ERC2: variants seen among roughly 807,000 people sequenced by gnomAD.
The protein encoded by ERC2 is ELKS/RAB6-interacting/CAST family member 2.
Under a neutral mutation model 114.8 loss-of-function variants are expected in ERC2, and 42 were observed. The observed-to-expected ratio is 0.37, with a 90% confidence interval of 0.29 to 0.47. The LOEUF is 0.47. ERC2 is among the 20% of genes least tolerant of loss of function. The pLI is 0.99. For synonymous variants in ERC2, 454 were observed against 425.5 expected (o/e 1.07, Z -0.82); for missense variants, 939 against 1,150.7 (o/e 0.82, Z 2.66).
At chr3:56,419,931 T>C (rs2061322752) in intron 2 of ERC2, among the ~76,000 whole-genome samples, 1 of 152,202 alleles carries the variant, frequency 6.6e-6, no homozygotes, top group Admixed American at 6.5e-5. Context: ...TTATTTATTA[T>C]TTGGTACATT....
At chr3:56,000,333 T>C (rs537410790) in intron 10 of ERC2, among the ~76,000 whole-genome samples, 1 of 152,070 alleles carries the variant, frequency 6.6e-6, no homozygotes, top group South Asian at 2.1e-4. Context: ...TAAAGAAAAG[T>C]ACAGGTCAAG....
In ERC2 at chr3:55,653,176, C is replaced by G. The variant is rs1285743717; in HGVS notation, c.*39+30618G>C. Among the ~76,000 whole-genome samples the G allele has an allele frequency of 1.9e-4, 28 of 149,924 alleles. No homozygotes were observed. The Admixed American group carries it at 1.9e-3, about 10-fold the overall frequency. ...ACATCTTTAGTTTTATTCAGACAGC[C>G]CAATATCTCTCTTGAATTTCATTAC... On this transcript the variant is annotated intron_variant, in intron 17 of 17. Coordinates refer to ENST00000288221, the MANE Select transcript of ERC2 (RefSeq NM_015576.3).
chr3:56,281,436 CAAAAAAAAAAAA>C (rs71099629), intron 3 of ERC2, among the ~76,000 whole-genome samples: 2 of 47,524 alleles, frequency 4.2e-5, no homozygotes, highest in South Asian at 1.3e-3. Context: ...GACTCCGTCT[CAAAAAAAAAAAA>C]AAAAAAAAAA....
chr3:56,390,696 C>A (rs1193019922), intron 2 of ERC2, among the ~76,000 whole-genome samples: 1 of 152,094 alleles, frequency 6.6e-6, no homozygotes, highest in Non-Finnish European at 1.5e-5. Context: ...CTTAAGTTAT[C>A]TTTGGTTTTG....
intron 8 of ERC2, among the ~76,000 whole-genome samples, chr3:56,012,785 G>A (rs1359812163): frequency 3.3e-5 from 5 of 152,262 alleles, no homozygotes; most frequent in East Asian, 3.9e-4. Flanking sequence ...TGTCAGCCGC[G>A]CAGGGCCAGA....
intron 6 of ERC2, among the ~76,000 whole-genome samples, chr3:56,120,628 G>A (rs2079520942): frequency 6.6e-6 from 1 of 152,176 alleles, no homozygotes; most frequent in South Asian, 2.1e-4. Context: ...CCTGACACAT[G>A]TAGTGCTGAT....
chr3:56,221,553 A>T (rs2049913054), intron 3 of ERC2, among the ~76,000 whole-genome samples: 1 of 152,134 alleles, frequency 6.6e-6, no homozygotes. Flanking sequence ...CCAAAGCCAC[A>T]CTCAATTCCA....
At chr3:55,946,012 C>T (rs977195906) in intron 13 of ERC2, among the ~76,000 whole-genome samples, 4 of 151,600 alleles carry the variant, frequency 2.6e-5, no homozygotes, top group African/African-American at 9.7e-5. Context: ...CAAGGATATC[C>T]ACTGGGGTTT....
At chr3:55,976,222 C>T (rs1345133880) in intron 12 of ERC2, among the ~76,000 whole-genome samples, 1 of 152,132 alleles carries the variant, frequency 6.6e-6, no homozygotes, top group Non-Finnish European at 1.5e-5. Context: ...AGAAATTGGC[C>T]TTCCCAAGAG....
chr3:56,131,056 G>T (rs536727827), intron 6 of ERC2, among the ~76,000 whole-genome samples: 1 of 152,132 alleles, frequency 6.6e-6, no homozygotes, highest in Admixed American at 6.5e-5. Flanking sequence ...AATGGAAAGG[G>T]AAAAAAATAA....
intron 6 of ERC2, among the ~76,000 whole-genome samples, chr3:56,098,313 C>T (rs1050585510): frequency 2.0e-5 from 3 of 152,160 alleles, no homozygotes; most frequent in Non-Finnish European, 2.9e-5. Context: ...TCACCATCAA[C>T]CAAAGTGGTC....
chr3:55,984,353 G>C (rs1170877607), intron 12 of ERC2, among the ~76,000 whole-genome samples: 1 of 152,080 alleles, frequency 6.6e-6, no homozygotes, highest in Non-Finnish European at 1.5e-5. Context: ...CCACAGTAGT[G>C]TATAGGTAAA....
chr3:56,381,644 G>A (rs182682630), intron 2 of ERC2, among the ~76,000 whole-genome samples: 1 of 151,154 alleles, frequency 6.6e-6, no homozygotes, highest in Non-Finnish European at 1.5e-5. Context: ...ACCAAAAGGA[G>A]GGAAAGCAAA....
chr3:55,984,770 T>C (rs1464221591), intron 12 of ERC2, among the ~76,000 whole-genome samples: 2 of 152,194 alleles, frequency 1.3e-5, no homozygotes, highest in East Asian at 3.9e-4. Flanking sequence ...TGCACCGCGA[T>C]GAAGTTCAGG....
Position 55,826,725 on chromosome 3 carries a change from C to G in ERC2, c.2564+61664G>C, listed in dbSNP as rs79132398. 5.3e-5 allele frequency among the ~76,000 whole-genome samples: 8 copies of G among 152,314 alleles called. No individual in the cohort carries two copies. In the East Asian group the frequency reaches 1.5e-3, roughly 29 times the overall value. On this transcript the variant is annotated intron_variant, in intron 14 of 17. Coordinates refer to ENST00000288221, the MANE Select transcript of ERC2 (RefSeq NM_015576.3). ...CTGATTTCCACTTCAGTTTTTTCTC[C>G]TCCATATTCATTCGGTAGAAAGTCT... is the stretch of plus-strand genomic sequence containing the variant.
In ERC2 at chr3:56,162,052, T is replaced by A. The variant is rs145809758; in HGVS notation, c.1149+11394A>T. Among the ~76,000 whole-genome samples the A allele has an allele frequency of 2.1e-3, 317 of 152,278 alleles. 1 individual carries two copies. Among genetic ancestry groups the A allele is most frequent in the African/African-American group, 7.3e-3 (304 of 41,576 alleles). Reference sequence around the variant, plus strand: ...AGATGGCTCTTATTATTTTGAGGTATGTTGCTTCAATGCCTAATTTCTTGA... The same window carrying A: ...AGATGGCTCTTATTATTTTGAGGTAAGTTGCTTCAATGCCTAATTTCTTGA... On this transcript the variant is annotated intron_variant, in intron 4 of 17. Coordinates refer to ENST00000288221, the MANE Select transcript of ERC2 (RefSeq NM_015576.3).
chr3:56,460,733 A>G (rs142992473), intron 1 of ERC2, among the ~76,000 whole-genome samples: 72 of 152,308 alleles, frequency 4.7e-4, no homozygotes, highest in African/African-American at 1.5e-3. Flanking sequence ...CTCAATAAAT[A>G]CTTCACAAAT....
intron 5 of ERC2, among the ~76,000 whole-genome samples, chr3:56,142,903 C>T (rs746793666): frequency 5.9e-5 from 9 of 151,548 alleles, no homozygotes; most frequent in Non-Finnish European, 1.2e-4. Context: ...AGAGAATTTG[C>T]CTCTGCCAAT....
At chr3:56,317,166 G>A (rs1225877991) in intron 2 of ERC2, among the ~76,000 whole-genome samples, 1 of 152,186 alleles carries the variant, frequency 6.6e-6, no homozygotes, top group East Asian at 1.9e-4. Context: ...AGAGGAGGGA[G>A]GCATCAATCT....
Sources: gnomAD v4.1 joint callset for allele counts (sites outside exome capture counted in the v4.1 genomes callset) on GRCh38, gnomAD v4.1.1 for gene constraint, MANE v1.5 for transcripts, NCBI Gene and HGNC (gene_info 2026-07-23, HGNC 2026-07-21) for gene names.